EYS: variants seen among roughly 807,000 people sequenced by gnomAD.
EYS encodes the protein EGF-like photoreceptor maintenance factor, also known as protein eyes shut homolog.
A neutral mutation model predicts 282.1 loss-of-function variants in EYS; 250 were observed. The ratio of observed to expected loss-of-function variants is 0.89; its 90% CI spans 0.80 to 0.98. EYS has a LOEUF of 0.98. EYS is among the 50% of genes least tolerant of loss of function. The probability of loss-of-function intolerance (pLI) is 0.00; values close to 1 mark genes in which losing one functional copy is unlikely to be tolerated. For synonymous variants in EYS, 1,355 were observed against 1,282.9 expected (o/e 1.06, Z -1.20); for missense variants, 4,016 against 3,709.0 (o/e 1.08, Z -2.15).
intron 33 of EYS, among the ~76,000 whole-genome samples, chr6:64,008,052 ATCTG>A (rs1417974229): frequency 6.6e-6 from 1 of 152,012 alleles, no homozygotes; most frequent in African/African-American, 2.4e-5. Context: ...TGCTTCAGTG[ATCTG>A]TCTAATACTC....
intron 22 of EYS, among the ~76,000 whole-genome samples, chr6:64,696,339 T>C (rs1313770297): frequency 1.3e-5 from 2 of 152,084 alleles, no homozygotes; most frequent in African/African-American, 4.8e-5. Context: ...TTTTAAAGAA[T>C]AAACAAAGCC....
chr6:65,196,074 T>C (rs745523860), intron 12 of EYS, among the ~76,000 whole-genome samples: 1 of 152,066 alleles, frequency 6.6e-6, no homozygotes, highest in Non-Finnish European at 1.5e-5. Context: ...AAACATACTA[T>C]CTACAAGGCA....
chr6:64,423,403 T>A (rs187474523), intron 28 of EYS, among the ~76,000 whole-genome samples: 1 of 152,252 alleles, frequency 6.6e-6, no homozygotes, highest in Non-Finnish European at 1.5e-5. Context: ...ATAAGTTTAG[T>A]ATATTCAAAT....
At chr6:65,699,881 G>A (rs1260210339) in intron 1 of EYS, among the ~76,000 whole-genome samples, 1 of 151,866 alleles carries the variant, frequency 6.6e-6, no homozygotes, top group Non-Finnish European at 1.5e-5. Context: ...TTGGGAGGCC[G>A]AGGCGGGCGA....
chr6:64,413,560 A>AC (rs1428165292), intron 28 of EYS, among the ~76,000 whole-genome samples: 16 of 140,250 alleles, frequency 1.1e-4, no homozygotes, highest in Admixed American at 5.0e-4. Flanking sequence ...AACAACAACA[A>AC]AAACCCAAAA....
At chr6:65,575,366 A>T (rs1282725889) in intron 2 of EYS, among the ~76,000 whole-genome samples, 1 of 148,222 alleles carries the variant, frequency 6.7e-6, no homozygotes. Context: ...ATTGATTAAA[A>T]GAAAAAAGTT....
rs1414602411 is a variant in EYS, at chr6:64,590,729, G to A, written c.5138C>T (p.Pro1713Leu). ...GCTCTCTTGATTTAGTACCTCAGTG[G>A]GTCCCATAGTTATGCCATATTGTCT... ...KIRQYGITMG[P>L]TEVLNQESLL... The change falls in exon 26 of 43, where the codon CCC becomes CTC. Residue 1713 changes from proline to leucine, a missense_variant. By Grantham distance (98) the Pro-to-Leu change is moderately conservative. Coordinates refer to ENST00000503581, the MANE Select transcript of EYS (RefSeq NM_001142800.2). The A allele has an allele frequency of 5.2e-6, 8 of 1,550,758 alleles. No individual in the cohort carries two copies. The highest frequency in any genetic ancestry group is 6.1e-6 in the Non-Finnish European group (7 of 1,146,468).
intron 11 of EYS, among the ~76,000 whole-genome samples, chr6:65,318,899 G>T (rs1464659461): frequency 6.7e-6 from 1 of 150,274 alleles, no homozygotes; most frequent in East Asian, 2.0e-4. Context: ...GCCTTGGCCT[G>T]CGAAAGTGCT....
chr6:64,160,427 T>C (rs1775068996), intron 31 of EYS, among the ~76,000 whole-genome samples: 1 of 152,216 alleles, frequency 6.6e-6, no homozygotes, highest in Admixed American at 6.5e-5. Context: ...TTGGTTTTAA[T>C]ATTTAACAAG....
At chr6:65,401,940 C>T (rs115211272) in intron 7 of EYS, among the ~76,000 whole-genome samples, 29 of 151,948 alleles carry the variant, frequency 1.9e-4, no homozygotes, top group African/African-American at 6.5e-4. Flanking sequence ...TTAAAATTGA[C>T]TAAATTATAC....
chr6:64,326,375 C>G (rs191457020), intron 29 of EYS, among the ~76,000 whole-genome samples: 6 of 152,058 alleles, frequency 3.9e-5, no homozygotes, highest in Non-Finnish European at 7.4e-5. Context: ...AAGTTTAGGT[C>G]GCAAGACATG....
At chr6:64,756,005 C>T (rs1435527103) in intron 22 of EYS, among the ~76,000 whole-genome samples, 2 of 152,118 alleles carry the variant, frequency 1.3e-5, no homozygotes, top group African/African-American at 2.4e-5. Context: ...TAATCACTTA[C>T]ATTGAGACTT....
intron 30 of EYS, among the ~76,000 whole-genome samples, chr6:64,304,433 A>G (rs1475257312): frequency 6.6e-6 from 1 of 152,246 alleles, no homozygotes; most frequent in Admixed American, 6.5e-5. Context: ...CAAACCAACT[A>G]GATCTAACAG....
chr6:65,608,663 C>T (rs528613315), intron 2 of EYS, among the ~76,000 whole-genome samples: 5 of 152,068 alleles, frequency 3.3e-5, no homozygotes, highest in South Asian at 4.2e-4. Flanking sequence ...ATTCCACAAC[C>T]GTAAAAAATA....
At chr6:64,296,598 A>ATATATATATATT (rs1561913902) in intron 30 of EYS, among the ~76,000 whole-genome samples, 3 of 20,134 alleles carry the variant, frequency 1.5e-4, no homozygotes, top group South Asian at 2.3e-3. Flanking sequence ...ATATATATAT[A>ATATATATATATT]TTTTTTTTTT....
chr6:63,859,374 TA>T (rs1772478671), intron 36 of EYS, among the ~76,000 whole-genome samples: 1 of 152,042 alleles, frequency 6.6e-6, no homozygotes. Context: ...TAGTCAGTAC[TA>T]AAATGGAAAT....
intron 2 of EYS, among the ~76,000 whole-genome samples, chr6:65,578,202 A>T (rs928184349): frequency 2.8e-5 from 3 of 106,798 alleles, no homozygotes; most frequent in Admixed American, 1.9e-4. Context: ...ATGAACAGAT[A>T]ATGAAAATAT....
chr6:64,711,716 T>C (rs1251219020), intron 22 of EYS, among the ~76,000 whole-genome samples: 1 of 152,206 alleles, frequency 6.6e-6, no homozygotes, highest in Non-Finnish European at 1.5e-5. Context: ...ATATAAATAT[T>C]CTAAGTATGC....
intron 14 of EYS, among the ~76,000 whole-genome samples, chr6:64,975,488 A>G (rs1045249257): frequency 6.6e-6 from 1 of 151,786 alleles, no homozygotes; most frequent in Admixed American, 6.6e-5. Context: ...AAGTTTTTGC[A>G]TTGTAGTTCC....
Sources: allele counts gnomAD v4.1 joint callset (sites outside exome capture counted in the v4.1 genomes callset), GRCh38; gene constraint gnomAD v4.1.1; transcripts MANE v1.5; gene names NCBI Gene and HGNC (gene_info 2026-07-23, HGNC 2026-07-21).